IMMP1L: variants seen among roughly 807,000 people sequenced by gnomAD.
The protein encoded by IMMP1L is mitochondrial inner membrane protease subunit 1.
In IMMP1L, 24 loss-of-function variants were observed where a neutral mutation model predicts 21.8. The ratio of observed to expected loss-of-function variants is 1.10; its 90% confidence interval spans 0.80 to 1.55. IMMP1L has a LOEUF of 1.55. IMMP1L is among the 40% of genes most tolerant of loss of function. The pLI is 0.00. For missense variants in IMMP1L, 195 were observed against 200.7 expected, an observed-to-expected ratio of 0.97 and a Z score of 0.17; for synonymous variants, 46 against 62.8, an observed-to-expected ratio of 0.73 and a Z score of 1.26.
At chr11:31,449,396 A>G (rs974333337) in intron 4 of IMMP1L, among the ~76,000 whole-genome samples, 21 of 152,220 alleles carry the variant, frequency 1.4e-4, no homozygotes, top group Non-Finnish European at 1.5e-5. Flanking sequence ...ACATTAAAGG[A>G]CTATTAGTGT....
intron 1 of IMMP1L, among the ~76,000 whole-genome samples, chr11:31,502,999 T>A (rs925375355): frequency 3.3e-5 from 5 of 152,214 alleles, no homozygotes; most frequent in African/African-American, 1.2e-4. Context: ...GACTATACAA[T>A]GGCTTTTTAA....
intron 1 of IMMP1L, among the ~76,000 whole-genome samples, chr11:31,504,497 A>C (rs2133837402): frequency 6.6e-6 from 1 of 152,320 alleles, no homozygotes; most frequent in East Asian, 1.9e-4. Flanking sequence ...ATGCCATACC[A>C]CAACCCTCTG....
At chr11:31,445,314 C>T (rs1953476577) in intron 4 of IMMP1L, among the ~76,000 whole-genome samples, 1 of 152,168 alleles carries the variant, frequency 6.6e-6, no homozygotes, top group Non-Finnish European at 1.5e-5. Context: ...CGTGGCACTC[C>T]ACTTAATTCT....
intron 1 of IMMP1L, among the ~76,000 whole-genome samples, chr11:31,494,114 G>A (rs1213538844): frequency 6.6e-6 from 1 of 152,250 alleles, no homozygotes; most frequent in Non-Finnish European, 1.5e-5. Context: ...GACTCTGTGT[G>A]GGGGCTTCAA....
At chr11:31,484,514 G>A (rs986098061) in intron 1 of IMMP1L, among the ~76,000 whole-genome samples, 1 of 151,666 alleles carries the variant, frequency 6.6e-6, no homozygotes, top group East Asian at 1.9e-4. Context: ...TAACGAACAC[G>A]TTGCCTATAG....
At chr11:31,452,371 T>G (rs1237262383) in intron 4 of IMMP1L, 2 of 985,258 alleles carry the variant, frequency 2.0e-6, no homozygotes, top group Non-Finnish European at 2.4e-6. Context: ...AACAAAATTA[T>G]AGTGTATTTC....
At chr11:31,445,660 A>T (rs1473926176) in intron 4 of IMMP1L, among the ~76,000 whole-genome samples, 1 of 152,142 alleles carries the variant, frequency 6.6e-6, no homozygotes, top group Non-Finnish European at 1.5e-5. Flanking sequence ...AACCCAGCAG[A>T]TTATTTAGAA....
chr11:31,496,350 T>C (rs1302711743), intron 1 of IMMP1L, among the ~76,000 whole-genome samples: 1 of 152,162 alleles, frequency 6.6e-6, no homozygotes, highest in East Asian at 1.9e-4. Flanking sequence ...TGTGGTGAAA[T>C]TGTAACCCTT....
chr11:31,481,947 T>C (rs938674385), intron 1 of IMMP1L, among the ~76,000 whole-genome samples: 3 of 152,102 alleles, frequency 2.0e-5, no homozygotes, highest in Admixed American at 1.3e-4. Flanking sequence ...ATGAATACTA[T>C]TGCTTAAAAT....
intron 4 of IMMP1L, among the ~76,000 whole-genome samples, chr11:31,436,828 TAACCTGTG>T (rs1260719804): frequency 2.6e-5 from 4 of 152,158 alleles, no homozygotes; most frequent in Non-Finnish European, 4.4e-5. Context: ...ATACTTAAAA[TAACCTGTG>T]AAGTACTAAA....
In IMMP1L at chr11:31,460,726, G is replaced by A. The variant is rs754481017; in HGVS notation, c.106-12C>T. On this transcript the variant is annotated splice_polypyrimidine_tract_variant and intron_variant, in intron 2 of 5. Coordinates refer to ENST00000532287, the MANE Select transcript of IMMP1L (RefSeq NM_001304274.2). ...GATGGTCCAGAACACTGAAAAGAGAGGTAATTTGTAATCTAAATTCAAAAT... is the reference window on the plus strand; with the variant it reads ...GATGGTCCAGAACACTGAAAAGAGAAGTAATTTGTAATCTAAATTCAAAAT... The A allele has an allele frequency of 2.7e-6, 4 of 1,494,924 alleles. No homozygotes were observed. Among genetic ancestry groups the A allele is most frequent in the African/African-American group, 2.8e-5 (2 of 71,774 alleles). 92.6% of individuals were successfully genotyped at this position (1,494,924 alleles called of 1,614,324 possible). A position where few individuals can be genotyped will look rare whatever the true frequency, so the allele number is the denominator to read the frequency against.
At chr11:31,495,023 T>C (rs1955386426) in intron 1 of IMMP1L, among the ~76,000 whole-genome samples, 2 of 152,178 alleles carry the variant, frequency 1.3e-5, no homozygotes, top group Admixed American at 1.3e-4. Flanking sequence ...ATACCCTAAA[T>C]CATTTCTTTC....
chr11:31,455,255 G>A (rs1455548492), intron 4 of IMMP1L, among the ~76,000 whole-genome samples: 1 of 152,124 alleles, frequency 6.6e-6, no homozygotes, highest in African/African-American at 2.4e-5. Flanking sequence ...TTTACATTGA[G>A]GATGAATATA....
At chr11:31,453,035 A>C in intron 4 of IMMP1L, 2 of 1,282,450 alleles carry the variant, frequency 1.6e-6, no homozygotes, top group Non-Finnish European at 2.0e-6. Flanking sequence ...TACAGGCGTG[A>C]GCCACCGCGG....
intron 4 of IMMP1L, among the ~76,000 whole-genome samples, chr11:31,439,275 T>C (rs945252021): frequency 4.6e-5 from 7 of 151,916 alleles, no homozygotes; most frequent in East Asian, 3.9e-4. Context: ...GGTTACTCAT[T>C]TTTTTTTCTT....
chr11:31,441,969 T>C (rs887124690), intron 4 of IMMP1L, among the ~76,000 whole-genome samples: 5 of 152,188 alleles, frequency 3.3e-5, no homozygotes, highest in African/African-American at 4.8e-5. Context: ...CTTGTAAATA[T>C]GCTATGCCAT....
At chr11:31,460,260 T>C (rs777034917) in intron 3 of IMMP1L, among the ~76,000 whole-genome samples, 13 of 152,216 alleles carry the variant, frequency 8.5e-5, no homozygotes, top group Non-Finnish European at 1.3e-4. Flanking sequence ...GGATTATTTT[T>C]AAAATTAAAG....
intron 4 of IMMP1L, among the ~76,000 whole-genome samples, chr11:31,453,809 A>T (rs1953843910): frequency 6.6e-6 from 1 of 152,184 alleles, no homozygotes; most frequent in Non-Finnish European, 1.5e-5. Context: ...GTGTTTTTTT[A>T]AAAATAATAA....
At chr11:31,448,023 T>C (rs927754850) in intron 4 of IMMP1L, among the ~76,000 whole-genome samples, 2 of 152,194 alleles carry the variant, frequency 1.3e-5, no homozygotes, top group African/African-American at 2.4e-5. Flanking sequence ...AAGACTGTTA[T>C]AGCACCTGGG....
Sources: allele counts gnomAD v4.1 joint callset (sites outside exome capture counted in the v4.1 genomes callset), GRCh38; gene constraint gnomAD v4.1.1; transcripts MANE v1.5; gene names NCBI Gene and HGNC (gene_info 2026-07-23, HGNC 2026-07-21).